The following RPL12 variants were observed in gnomAD, a reference collection of about 807,000 sequenced individuals.
RPL12 encodes ribosomal protein L12.
In RPL12, 10 loss-of-function variants were observed where a neutral mutation model predicts 24.5. That is an observed-to-expected ratio of 0.41 (90% CI 0.25 to 0.69). The LOEUF (loss-of-function observed/expected upper bound fraction) is 0.69. Ranked by LOEUF, RPL12 falls within the 30% of genes least tolerant of loss-of-function variation. RPL12 has a pLI of 0.33. For missense variants in RPL12, 137 were observed against 205.3 expected (o/e 0.67, Z 2.03); for synonymous variants, 74 against 76.1 (o/e 0.97, Z 0.14).
intron 2 of RPL12, 29 bp downstream of exon 2, chr9:127,450,699 GAAA>G: frequency 6.6e-7 from 1 of 1,505,800 alleles, no homozygotes; most frequent in Non-Finnish European, 9.0e-7. Flanking sequence ...AAACAAATGT[GAAA>G]AAAATGCCCC....
intron 4 of RPL12, 70 bp from the exon 5 acceptor site, chr9:127,448,493 C>T (rs765609450): frequency 4.0e-6 from 4 of 991,006 alleles, no homozygotes; most frequent in African/African-American, 1.6e-5. Flanking sequence ...TCCTTCATTT[C>T]ATTTCTAGGC....
Position 127,449,380 on chromosome 9 carries a change from GAGTGAATACTCCACCTCC to G in RPL12, c.211-36_211-19del, listed in dbSNP as rs1431660791. ...ACCTCAATCTGCAGAAGAGATTCCT[GAGTGAATACTCCACCTCC>G]AGTGAATACTGCCATGCACGCTGGC... On this transcript the variant is annotated intron_variant, in intron 3 of 6. Transcript: ENST00000361436. 16 of 1,600,814 alleles carry G rather than the reference GAGTGAATACTCCACCTCC, an allele frequency of 1.0e-5. No individual in the cohort carries two copies. The highest frequency in any genetic ancestry group is 1.3e-5 in the African/African-American group (1 of 74,768).
At chr9:127,448,649 A>G (rs1220488502) in intron 4 of RPL12, 1 of 740,160 alleles carries the variant, frequency 1.4e-6, no homozygotes, top group Admixed American at 1.7e-5. Context: ...GGCAAAACCA[A>G]GCCTTCACAA....
Position 127,450,746 on chromosome 9 carries a change from G to C in RPL12, c.96C>G (p.Ile32Met). ...VGATSALAPK[I>M]GPLGLSPKKV... ...GATAACGTACCAGACCCAGGGGGCC[G>C]ATCTTGGGGGCCAGGGCAGAAGTGG... is the stretch of plus-strand genomic sequence containing the variant. The change falls in exon 2 of 7, where the codon ATC becomes ATG. Residue 32 changes from isoleucine to methionine, a missense_variant. This residue lies in a region of RPL12 where 1 missense variants were observed against 17.6 expected (regional missense o/e 0.06). Coordinates refer to ENST00000361436, the MANE Select transcript of RPL12 (RefSeq NM_000976.4). 1 of 1,580,472 alleles carries C rather than the reference G, an allele frequency of 6.3e-7. No homozygotes were observed. The highest frequency in any genetic ancestry group is 8.6e-7 in the Non-Finnish European group (1 of 1,165,466).
chr9:127,451,191 T>G, intron 1 of RPL12, 90 bp downstream of exon 1: 2 of 1,530,544 alleles, frequency 1.3e-6, no homozygotes. Flanking sequence ...GGCAGCGGCT[T>G]TAAGAGCCCC....
intron 5 of RPL12, 144 bp from the exon 6 acceptor site, chr9:127,448,133 C>CTA (rs1288277708): frequency 8.6e-7 from 1 of 1,158,638 alleles, no homozygotes; most frequent in African/African-American, 1.6e-5. Context: ...AGAGTTCCAT[C>CTA]TAGTTCCATA....
intron 5 of RPL12, 62 bp from the exon 6 acceptor site, chr9:127,448,051 C>A (rs1397409574): frequency 6.5e-7 from 1 of 1,529,726 alleles, no homozygotes; most frequent in African/African-American, 1.4e-5. Context: ...TCTGCAGATA[C>A]TGGGGAATAC....
intron 1 of RPL12, 168 bp downstream of exon 1, chr9:127,451,113 G>A (rs1834297918): frequency 3.3e-6 from 3 of 903,124 alleles, no homozygotes; most frequent in Non-Finnish European, 5.0e-6. Context: ...ACCTACACGT[G>A]AAGAAGCTAA....
Position 127,447,695 on chromosome 9 carries a change from C to T in RPL12, c.*26G>A. On this transcript the variant is annotated 3_prime_UTR_variant, in exon 7 of 7. Coordinates refer to ENST00000361436, the MANE Select transcript of RPL12 (RefSeq NM_000976.4). ...AAAATCCACCAGTTGTCAAATGATC[C>T]TTTATTGAAATGTTTTCCTTTGTGC... The T allele has an allele frequency of 6.2e-7, 1 of 1,613,200 alleles. No homozygotes were observed.
chr9:127,447,860 A>G lies in RPL12; in HGVS notation c.492+17T>C, dbSNP rs747608472. On this transcript the variant is annotated intron_variant, in intron 6 of 6. Transcript: ENST00000361436. ...CCCCCCTTTCACCCCTACTGTAACA[A>G]TGAAAATGTCACTTACGGCTGGGCA... 3.0e-5 allele frequency: 49 copies of G among 1,610,704 alleles called. No homozygotes were observed. Among genetic ancestry groups the G allele is most frequent in the Non-Finnish European group, 3.9e-5 (46 of 1,178,490 alleles).
At chr9:127,450,869 T>C (rs1470606973) in intron 1 of RPL12, 65 bp from the exon 2 acceptor site, 101 of 1,276,796 alleles carry the variant, frequency 7.9e-5, no homozygotes, top group Non-Finnish European at 1.0e-4. Context: ...TCTCAGCGTC[T>C]TTCCGGGGTT....
In RPL12 at chr9:127,449,342, G is replaced by C; in HGVS notation, c.231C>G (p.Ala77=). The C allele has an allele frequency of 6.2e-7, 1 of 1,609,666 alleles. No homozygotes were observed. The change falls in exon 4 of 7, where the codon GCC becomes GCG. Residue 77 remains alanine, a synonymous_variant. Coordinates refer to ENST00000361436, the MANE Select transcript of RPL12 (RefSeq NM_000976.4). The part of the protein sequence containing the change: ...RQAQIEVVPS[A]SALIIKALKE... ...TGAGGGCTTTGATGATCAGGGCAGA[G>C]GCAGAAGGCACCACCTCAATCTGCA...
At chr9:127,450,213 G>A (rs1252998011) in intron 2 of RPL12, 1 of 173,572 alleles carries the variant, frequency 5.8e-6, no homozygotes, top group Non-Finnish European at 1.2e-5. Context: ...GGGGAGCACT[G>A]TGCAAGGATT....
intron 4 of RPL12, 87 bp from the exon 5 acceptor site, chr9:127,448,510 C>T: frequency 4.3e-6 from 4 of 919,636 alleles, no homozygotes; most frequent in Non-Finnish European, 7.3e-6. Context: ...AGGCTGTTCC[C>T]ATGCTTTCGG....
At chr9:127,450,558 C>A in intron 2 of RPL12, 173 bp downstream of exon 2, 1 of 551,726 alleles carries the variant, frequency 1.8e-6, no homozygotes, top group South Asian at 2.6e-5. Context: ...GCACCAGGTT[C>A]GATTTTTCAC....
rs915746110 is a variant in RPL12, at chr9:127,449,593, C to G, written c.210+17G>C. The G allele has an allele frequency of 1.2e-6, 2 of 1,611,204 alleles. No homozygotes were observed. Among genetic ancestry groups the G allele is most frequent in the Non-Finnish European group, 1.7e-6 (2 of 1,177,492 alleles). ...TCCCCCCACCCTCCTCTCCCGAAAC[C>G]AAGCACAAGCAAATACCTGGGCCTG... On this transcript the variant is annotated intron_variant, in intron 3 of 6. Coordinates refer to ENST00000361436, the MANE Select transcript of RPL12 (RefSeq NM_000976.4).
chr9:127,449,670 C>T lies in RPL12; in HGVS notation c.150G>A (p.Thr50=), dbSNP rs566932341. ...TAATCCTCAGGCCCTTCCAGTCACC[C>T]GTTGCCTTGGCAATGTCATCACCAA... ...KKVGDDIAKA[T]GDWKGLRITV... The change falls in exon 3 of 7, where the codon ACG becomes ACA. Residue 50 remains threonine, a synonymous_variant. Transcript: ENST00000361436. The T allele has an allele frequency of 7.6e-5, 123 of 1,614,074 alleles. No homozygotes were observed. The East Asian group carries it at 1.5e-3, about 20-fold the overall frequency.
chr9:127,450,875 G>A, intron 1 of RPL12, 71 bp from the exon 2 acceptor site: 1 of 1,199,222 alleles, frequency 8.3e-7, no homozygotes, highest in South Asian at 1.4e-5. Flanking sequence ...CGTCTTTCCG[G>A]GGTTGGACAC....
At chr9:127,451,170 G>T (rs1486833802) in intron 1 of RPL12, 111 bp downstream of exon 1, 2 of 1,420,400 alleles carry the variant, frequency 1.4e-6, no homozygotes, top group African/African-American at 2.9e-5. Context: ...ACACCGGGAA[G>T]GTCTCTGGGA....
Sources: gnomAD v4.1 joint callset for allele counts on GRCh38, gnomAD v4.1.1 for gene constraint, gnomAD v4.1.1 regional missense constraint, MANE v1.5 for transcripts, NCBI Gene and HGNC (gene_info 2026-07-23, HGNC 2026-07-21) for gene names.